The following ENKUR variants were observed in gnomAD, a reference collection of about 807,000 sequenced individuals.
ENKUR encodes enkurin, TRPC channel interacting protein.
ENKUR carries 19 observed loss-of-function variants against 27.6 expected under a neutral mutation model. The observed-to-expected ratio is 0.69, with a 90% CI of 0.48 to 1.01. The LOEUF is 1.01. Among genes scored for constraint, ENKUR ranks in the 50% least tolerant of loss-of-function variants. The probability of loss-of-function intolerance (pLI) is 0.00; values close to 1 mark genes in which losing one functional copy is unlikely to be tolerated. For synonymous variants in ENKUR, 117 were observed against 96.9 expected, an observed-to-expected ratio of 1.21 and a Z score of -1.22; for missense variants, 312 against 310.5, an observed-to-expected ratio of 1.00 and a Z score of -0.04.
At chr10:25,051,000 A>G (rs1851181844) in intron 2 of ENKUR, among the ~76,000 whole-genome samples, 1 of 152,192 alleles carries the variant, frequency 6.6e-6, no homozygotes, top group Non-Finnish European at 1.5e-5. Context: ...CTTACTTTTT[A>G]CTGATGATTT....
intron 2 of ENKUR, chr10:25,023,172 A>G: frequency 1.3e-6 from 2 of 1,533,824 alleles, no homozygotes; most frequent in Admixed American, 2.2e-5. Context: ...TGTGTTTTGA[A>G]AAGGGCTAAA....
At chr10:25,024,553 A>G (rs376608391) in intron 2 of ENKUR, 12 of 1,614,092 alleles carry the variant, frequency 7.4e-6, no homozygotes, top group East Asian at 2.2e-5. Context: ...CCAGACAGCT[A>G]TAAAAAGAAT....
intron 2 of ENKUR, among the ~76,000 whole-genome samples, chr10:25,038,045 A>G (rs1851025792): frequency 6.6e-6 from 1 of 152,192 alleles, no homozygotes; most frequent in African/African-American, 2.4e-5. Flanking sequence ...CCTTAATGGA[A>G]CATTTTAATT....
intron 4 of ENKUR, among the ~76,000 whole-genome samples, chr10:24,985,256 C>T (rs1233626821): frequency 1.3e-5 from 2 of 152,040 alleles, no homozygotes; most frequent in Non-Finnish European, 2.9e-5. Flanking sequence ...AGAATGATAT[C>T]CTCGAGTCAA....
chr10:24,986,535 C>T (rs1278117523), intron 4 of ENKUR, among the ~76,000 whole-genome samples: 3 of 152,190 alleles, frequency 2.0e-5, no homozygotes, highest in Non-Finnish European at 2.9e-5. Flanking sequence ...GAGGTTCCCA[C>T]AGTGCTCCAC....
At chr10:25,025,544 T>G in intron 2 of ENKUR, 2 of 1,259,960 alleles carry the variant, frequency 1.6e-6, no homozygotes, top group Non-Finnish European at 2.2e-6. Flanking sequence ...CATTTTGTCT[T>G]TTATGTAAAT....
intron 2 of ENKUR, among the ~76,000 whole-genome samples, chr10:25,029,015 A>G (rs1850903345): frequency 6.6e-6 from 1 of 152,186 alleles, no homozygotes; most frequent in South Asian, 2.1e-4. Flanking sequence ...GCCACAATTC[A>G]TTGAATTGTA....
chr10:25,007,503 C>T (rs1850341827), intron 1 of ENKUR, among the ~76,000 whole-genome samples: 2 of 152,170 alleles, frequency 1.3e-5, no homozygotes, highest in African/African-American at 4.8e-5. Context: ...GGCGCCATCT[C>T]GGCTCACTGC....
intron 1 of ENKUR, among the ~76,000 whole-genome samples, chr10:25,005,660 A>G (rs1207112509): frequency 6.6e-6 from 1 of 152,226 alleles, no homozygotes; most frequent in East Asian, 1.9e-4. Flanking sequence ...AAGTCCACCT[A>G]CAGACTTGAA....
intron 2 of ENKUR, among the ~76,000 whole-genome samples, chr10:25,058,004 TGTTAGCCTCA>T (rs1851280334): frequency 1.3e-5 from 2 of 152,126 alleles, no homozygotes; most frequent in Non-Finnish European, 2.9e-5. Context: ...GCCTCTCTTC[TGTTAGCCTCA>T]GTAATGCCAA....
upstream of ENKUR, among the ~76,000 whole-genome samples, chr10:25,017,906 G>T (rs374005485): frequency 6.6e-6 from 1 of 152,070 alleles, no homozygotes; most frequent in East Asian, 1.9e-4. Flanking sequence ...GAATGATAAC[G>T]CCATTAGCCA....
chr10:25,015,323 TA>T (rs1367434997), intron 1 of ENKUR, among the ~76,000 whole-genome samples: 10 of 152,172 alleles, frequency 6.6e-5, no homozygotes, highest in African/African-American at 1.9e-4. Context: ...AAAAAGTCCT[TA>T]GAAACTGCCT....
intron 1 of ENKUR, among the ~76,000 whole-genome samples, chr10:25,003,939 G>A (rs775263296): frequency 3.3e-5 from 5 of 152,150 alleles, no homozygotes; most frequent in African/African-American, 7.2e-5. Flanking sequence ...TTGGTTTCAT[G>A]TTCCTGTGTT....
rs1238241161 is a variant in ENKUR, at chr10:24,995,010, G to A, written c.447+636C>T. Among the ~76,000 whole-genome samples, 3 of 152,036 alleles carry A rather than the reference G, an allele frequency of 2.0e-5. No individual in the cohort carries two copies. In the East Asian group the frequency reaches 5.8e-4, roughly 29 times the overall value. On this transcript the variant is annotated intron_variant, in intron 3 of 5. Transcript: ENST00000331161. ...TACTCCAGCCTGGGAAACAGCATGA[G>A]AATATGTCTCAAAAAAAATCTATAT...
intron 2 of ENKUR, among the ~76,000 whole-genome samples, chr10:25,028,676 A>T (rs976110527): frequency 5.9e-5 from 9 of 152,166 alleles, no homozygotes; most frequent in Non-Finnish European, 8.8e-5. Context: ...ATCTACATAC[A>T]TGGTCTCCAC....
intron 3 of ENKUR, among the ~76,000 whole-genome samples, chr10:24,993,602 T>C (rs1014356485): frequency 6.6e-6 from 1 of 152,246 alleles, no homozygotes; most frequent in African/African-American, 2.4e-5. Context: ...AAAGAATTTA[T>C]TTACTATCTC....
upstream of ENKUR, among the ~76,000 whole-genome samples, chr10:25,017,227 A>G (rs571370664): frequency 2.0e-5 from 3 of 152,274 alleles, no homozygotes; most frequent in South Asian, 4.1e-4. Context: ...CCCTTGTTGG[A>G]AAATTGTCTT....
At chr10:25,012,652 G>C (rs922161657) in intron 1 of ENKUR, among the ~76,000 whole-genome samples, 2 of 152,160 alleles carry the variant, frequency 1.3e-5, no homozygotes, top group Non-Finnish European at 2.9e-5. Context: ...CTGCTATTTC[G>C]AATGGTTATA....
chr10:25,035,612 C>T (rs976097834), intron 2 of ENKUR, among the ~76,000 whole-genome samples: 1 of 151,702 alleles, frequency 6.6e-6, no homozygotes, highest in Non-Finnish European at 1.5e-5. Flanking sequence ...TCTATTTTTC[C>T]AGTGACCAGA....
Sources: gnomAD v4.1 joint callset for allele counts (sites outside exome capture counted in the v4.1 genomes callset) on GRCh38, gnomAD v4.1.1 for gene constraint, MANE v1.5 for transcripts, NCBI Gene and HGNC (gene_info 2026-07-23, HGNC 2026-07-21) for gene names.